The following KCNN3 variants were observed in gnomAD, a reference collection of about 807,000 sequenced individuals.
KCNN3 encodes potassium calcium-activated channel subfamily N member 3.
In KCNN3, 16 loss-of-function variants were observed where a neutral mutation model predicts 62.9. That is an observed-to-expected ratio of 0.25 (90% confidence interval 0.17 to 0.39). The LOEUF is 0.39. KCNN3 is among the 10% of genes least tolerant of loss of function. KCNN3 has a pLI of 1.00. For synonymous variants in KCNN3, 370 were observed against 389.2 expected (o/e 0.95, Z 0.58); for missense variants, 599 against 949.4 (o/e 0.63, Z 4.85).
intron 1 of KCNN3, among the ~76,000 whole-genome samples, chr1:154,847,415 C>CG (rs1652119112): frequency 6.6e-6 from 1 of 152,208 alleles, no homozygotes; most frequent in South Asian, 2.1e-4. Flanking sequence ...CCGAGGACCA[C>CG]GGGGAGTCAC....
chr1:154,818,121 C>G (rs1055129443), intron 2 of KCNN3, among the ~76,000 whole-genome samples: 3 of 152,188 alleles, frequency 2.0e-5, no homozygotes, highest in Non-Finnish European at 4.4e-5. Flanking sequence ...GTTTTCATTT[C>G]TCTCCCGGAC....
intron 3 of KCNN3, chr1:154,771,765 T>A: frequency 1.6e-6 from 1 of 622,248 alleles, no homozygotes; most frequent in Non-Finnish European, 2.9e-6. Context: ...ATTCTGTGCC[T>A]TTTTCCCACC....
chr1:154,852,070 T>C (rs898753291), intron 1 of KCNN3, among the ~76,000 whole-genome samples: 9 of 152,368 alleles, frequency 5.9e-5, no homozygotes, highest in African/African-American at 2.2e-4. Context: ...GCCACGTGTG[T>C]CCACTGAGCC....
At chr1:154,810,138 C>T (rs1338655076) in intron 2 of KCNN3, among the ~76,000 whole-genome samples, 2 of 152,116 alleles carry the variant, frequency 1.3e-5, no homozygotes, top group African/African-American at 4.8e-5. Context: ...GGGTGGAAGG[C>T]TGCTGGCACC....
rs568282366 is a variant in KCNN3, at chr1:154,819,154, A to G, written c.1029+2935T>C. Among the ~76,000 whole-genome samples, 6 of 152,346 alleles carry G rather than the reference A, an allele frequency of 3.9e-5. No homozygotes were observed. In the South Asian group the frequency reaches 1.2e-3, roughly 32 times the overall value. On this transcript the variant is annotated intron_variant, in intron 2 of 7. Coordinates refer to ENST00000271915, the MANE Select transcript of KCNN3 (RefSeq NM_002249.6). ...GTGCTTGCTAAGCACTCCCCTCTGCATAACTTCATCAGTCACACTTGGGAT... is the reference window on the plus strand; with the variant it reads ...GTGCTTGCTAAGCACTCCCCTCTGCGTAACTTCATCAGTCACACTTGGGAT...
In KCNN3 at chr1:154,869,046, C is replaced by G; in HGVS notation, c.919G>C (p.Gly307Arg). The change falls in exon 1 of 8, where the codon GGT becomes CGT. Residue 307 changes from glycine (G) to arginine (R), a missense_variant. Gly to Arg is a moderately radical substitution (Grantham distance 125, BLOSUM62 -2). Coordinates refer to ENST00000271915, the MANE Select transcript of KCNN3 (RefSeq NM_002249.6). The surrounding 1 kb of genome is among the most constrained non-coding windows in gnomAD (Gnocchi z 6.1). ...ACAGCCCCTACCTTTGAGTACAAAC[C>G]CCAAGAGAGCTCGGTCTCTATCACC... Reference protein sequence around the residue: ...VMVIETELSWGLYSKDSMFSL... With the variant: ...VMVIETELSWRLYSKDSMFSL... 6.2e-7 allele frequency: 1 copy of G among 1,614,094 alleles called. No homozygotes were observed. The highest frequency in any genetic ancestry group is 8.5e-7 in the Non-Finnish European group (1 of 1,180,028).
At chr1:154,854,705 C>T (rs182112257) in intron 1 of KCNN3, among the ~76,000 whole-genome samples, 9 of 152,280 alleles carry the variant, frequency 5.9e-5, no homozygotes, top group South Asian at 2.1e-4. Context: ...CCTATCACTT[C>T]GTGACATCTT....
chr1:154,778,821 C>A (rs1185771115), intron 2 of KCNN3, among the ~76,000 whole-genome samples: 1 of 151,886 alleles, frequency 6.6e-6, no homozygotes, highest in African/African-American at 2.4e-5. Flanking sequence ...AGGCTGGTCT[C>A]GAACTCCTGA....
chr1:154,765,634 T>C (rs1178866618), intron 3 of KCNN3, among the ~76,000 whole-genome samples: 1 of 150,086 alleles, frequency 6.7e-6, no homozygotes, highest in Non-Finnish European at 1.5e-5. Flanking sequence ...TTTCCTTTTT[T>C]TTTTTTTTTT....
chr1:154,785,572 C>CTTTTTTT (rs59033291), intron 2 of KCNN3, among the ~76,000 whole-genome samples: 19 of 107,980 alleles, frequency 1.8e-4, no homozygotes, highest in African/African-American at 6.5e-4. Flanking sequence ...TTTTCTTTTT[C>CTTTTTTT]TTTTTTTTTT....
At chr1:154,854,855 A>G (rs1212479121) in intron 1 of KCNN3, among the ~76,000 whole-genome samples, 1 of 152,232 alleles carries the variant, frequency 6.6e-6, no homozygotes, top group Non-Finnish European at 1.5e-5. Flanking sequence ...GTAAGAATAT[A>G]AAGAAAATAC....
At position 154,703,412 on chromosome 1, in the gene KCNN3, C is replaced by G. The variant is rs148897885; in HGVS notation, c.*4564G>C. ...TACTGGGAAGTCACCAGATAGCTGTCTAAGGTACTGAAATCAAACCCTGCA... is the reference window on the plus strand; with the variant it reads ...TACTGGGAAGTCACCAGATAGCTGTGTAAGGTACTGAAATCAAACCCTGCA... On this transcript the variant is annotated 3_prime_UTR_variant, in exon 8 of 8. Transcript: ENST00000271915. The G allele has an allele frequency of 3.2e-4, 49 of 152,278 alleles. 1 individual carries two copies. The highest frequency in any genetic ancestry group is 1.1e-3 in the African/African-American group (46 of 41,546). The allele number at this position is 152,278 out of a possible 1,614,324, so 9.4% of individuals were successfully genotyped here. A position where few individuals can be genotyped will look rare whatever the true frequency, so the allele number is the denominator to read the frequency against.
intron 1 of KCNN3, among the ~76,000 whole-genome samples, chr1:154,865,927 A>G (rs1362760535): frequency 6.6e-6 from 1 of 152,152 alleles, no homozygotes; most frequent in Non-Finnish European, 1.5e-5. Context: ...GGTACCCCTG[A>G]GGTTGCCTTG....
At chr1:154,845,266 T>G (rs1376617789) in intron 1 of KCNN3, among the ~76,000 whole-genome samples, 1 of 152,168 alleles carries the variant, frequency 6.6e-6, no homozygotes, top group Non-Finnish European at 1.5e-5. Context: ...AAAACCTATT[T>G]GCTGTTCCTG....
intron 1 of KCNN3, among the ~76,000 whole-genome samples, chr1:154,844,370 G>A (rs1447468577): frequency 6.6e-6 from 1 of 152,202 alleles, no homozygotes; most frequent in Non-Finnish European, 1.5e-5. Flanking sequence ...TTAAGCCAGG[G>A]AGAGAGTCAG....
chr1:154,866,305 C>T (rs1652955304), intron 1 of KCNN3, among the ~76,000 whole-genome samples: 2 of 152,216 alleles, frequency 1.3e-5, no homozygotes, highest in Admixed American at 1.3e-4. Context: ...TATCTCCTTT[C>T]CTCTCATCAT....
chr1:154,719,297 TG>T (rs1296431912), intron 5 of KCNN3, among the ~76,000 whole-genome samples: 2 of 152,168 alleles, frequency 1.3e-5, no homozygotes, highest in East Asian at 3.9e-4. Flanking sequence ...GCCTGGCCGG[TG>T]GGTGTGATTT....
chr1:154,819,090 G>A (rs780720057), intron 2 of KCNN3, among the ~76,000 whole-genome samples: 36 of 152,210 alleles, frequency 2.4e-4, no homozygotes, highest in Admixed American at 2.0e-4. Flanking sequence ...TGCCTGCTTC[G>A]CAACAGGTGA....
chr1:154,829,106 C>T (rs1274068428), intron 1 of KCNN3, among the ~76,000 whole-genome samples: 4 of 152,250 alleles, frequency 2.6e-5, no homozygotes, highest in Non-Finnish European at 4.4e-5. Context: ...CCATCATCGC[C>T]CCGTCACCTT....
Sources: gnomAD v4.1 joint callset for allele counts (sites outside exome capture counted in the v4.1 genomes callset) on GRCh38, gnomAD v4.1.1 for gene constraint, Gnocchi (gnomAD v3.1) non-coding constraint, MANE v1.5 for transcripts, NCBI Gene and HGNC (gene_info 2026-07-23, HGNC 2026-07-21) for gene names.